The following MTUS2 variants were observed in gnomAD, a reference collection of about 807,000 sequenced individuals.
MTUS2 encodes microtubule associated scaffold protein 2.
MTUS2 carries 40 observed loss-of-function variants against 114.1 expected under a neutral mutation model. The observed-to-expected ratio is 0.35, with a 90% CI of 0.27 to 0.46. The LOEUF is 0.46. MTUS2 is among the 20% of genes least tolerant of loss of function. MTUS2 has a pLI of 1.00. For synonymous variants in MTUS2, 688 were observed against 672.0 expected, an observed-to-expected ratio of 1.02 and a Z score of -0.37; for missense variants, 1,679 against 1,705.4, an observed-to-expected ratio of 0.98 and a Z score of 0.27.
chr13:29,383,751 A>G (rs7335179), intron 8 of MTUS2, among the ~76,000 whole-genome samples: 15 of 92,304 alleles, frequency 1.6e-4, no homozygotes, highest in African/African-American at 4.1e-4. Flanking sequence ...GGACTGTGCC[A>G]AGGGAGGGCA....
chr13:29,080,963 T>G (rs1889415487), intron 4 of MTUS2, among the ~76,000 whole-genome samples: 2 of 152,158 alleles, frequency 1.3e-5, no homozygotes, highest in African/African-American at 4.8e-5. Context: ...TGACCTCTGG[T>G]GATCCTCCCA....
At chr13:29,071,004 T>C (rs1202307326) in intron 4 of MTUS2, among the ~76,000 whole-genome samples, 1 of 152,056 alleles carries the variant, frequency 6.6e-6, no homozygotes, top group Non-Finnish European at 1.5e-5. Context: ...TTTTTGTTTA[T>C]TTATTGATTT....
intron 5 of MTUS2, among the ~76,000 whole-genome samples, chr13:29,149,410 G>A (rs1892576028): frequency 6.6e-6 from 1 of 152,158 alleles, no homozygotes; most frequent in African/African-American, 2.4e-5. Flanking sequence ...GTTCCTTGTA[G>A]ATACTGGATA....
chr13:29,047,722 C>T (rs1265764031), intron 4 of MTUS2, among the ~76,000 whole-genome samples: 1 of 152,100 alleles, frequency 6.6e-6, no homozygotes, highest in Non-Finnish European at 1.5e-5. Context: ...ACTGTGTTAG[C>T]CAGGATGGTC....
chr13:28,876,572 A>G (rs927669481), intron 2 of MTUS2, among the ~76,000 whole-genome samples: 2 of 152,152 alleles, frequency 1.3e-5, no homozygotes, highest in Admixed American at 6.5e-5. Flanking sequence ...GCTGCAGAAG[A>G]TCGAGGAAGA....
intron 2 of MTUS2, among the ~76,000 whole-genome samples, chr13:28,986,909 T>G (rs761357023): frequency 7.2e-5 from 11 of 152,246 alleles, no homozygotes; most frequent in Non-Finnish European, 1.2e-4. Flanking sequence ...GCTTCTGTAT[T>G]GGACACCACA....
At chr13:29,013,122 A>G (rs575637318) in intron 2 of MTUS2, among the ~76,000 whole-genome samples, 2 of 152,250 alleles carry the variant, frequency 1.3e-5, no homozygotes, top group South Asian at 2.1e-4. Flanking sequence ...GGAAAAATAC[A>G]TTGTCTTTTC....
At position 29,101,020 on chromosome 13, in the gene MTUS2, G is replaced by A. The variant is rs748621809; in HGVS notation, c.2644+50G>A. On this transcript the variant is annotated intron_variant, in intron 5 of 15. Transcript: ENST00000612955. ...GTGCCTTCACTGAATTAAAACCGGC[G>A]CGCCTGTGTAACTGTGTGTCATTTT... is the stretch of plus-strand genomic sequence containing the variant. 9.6e-5 allele frequency: 141 copies of A among 1,473,794 alleles called. 1 individual carries two copies. The South Asian group carries it at 1.6e-3, about 17-fold the overall frequency. 91.3% of individuals were successfully genotyped at this position (1,473,794 alleles called of 1,614,324 possible).
At chr13:29,338,721 T>C (rs1389103354) in intron 7 of MTUS2, among the ~76,000 whole-genome samples, 1 of 152,230 alleles carries the variant, frequency 6.6e-6, no homozygotes, top group African/African-American at 2.4e-5. Context: ...CTTTTCTTGC[T>C]TAAGGATTTG....
chr13:28,950,457 A>G (rs2138172127), intron 2 of MTUS2, among the ~76,000 whole-genome samples: 1 of 152,290 alleles, frequency 6.6e-6, no homozygotes, highest in African/African-American at 2.4e-5. Context: ...GTGTAGTCAG[A>G]TTTACCTATT....
rs7988477 is a variant in MTUS2 at position 29,408,394 on chromosome 13, C to T, written c.3118-31589C>T. Among the ~76,000 whole-genome samples the T allele has an allele frequency of 2.6e-3, 393 of 152,276 alleles. 3 individuals are homozygous for T. The highest frequency in any genetic ancestry group is 8.4e-3 in the African/African-American group (349 of 41,554). ...GCCATGGTACAATCATAGCTCACTG[C>T]GGCCTCCATCTCCTGGGCTCAAGCG... On this transcript the variant is annotated intron_variant, in intron 8 of 15. Transcript: ENST00000612955.
chr13:29,287,258 T>C (rs1440090370), intron 6 of MTUS2, among the ~76,000 whole-genome samples: 2 of 152,188 alleles, frequency 1.3e-5, no homozygotes, highest in Non-Finnish European at 2.9e-5. Context: ...CCATTACCAA[T>C]AGATTGCATG....
chr13:29,183,578 G>GAGCATGTGT (rs1337222344), intron 5 of MTUS2, among the ~76,000 whole-genome samples: 2 of 152,136 alleles, frequency 1.3e-5, no homozygotes, highest in East Asian at 3.9e-4. Context: ...AGATCACCAA[G>GAGCATGTGT]AGCATGTGTA....
rs370383848 is a variant in MTUS2, at chr13:29,317,090, C to T, written c.2807-7523C>T. On this transcript the variant is annotated intron_variant, in intron 6 of 15. Coordinates refer to ENST00000612955, the MANE Select transcript of MTUS2 (RefSeq NM_001033602.4). Reference sequence around the variant, plus strand: ...TAATAATCTTCAGAATTAATTATCCCTTAGTCTTATCCAGGTAATAATTAG... The same window carrying T: ...TAATAATCTTCAGAATTAATTATCCTTTAGTCTTATCCAGGTAATAATTAG... Among the ~76,000 whole-genome samples the T allele has an allele frequency of 9.9e-5, 15 of 152,250 alleles. No individual in the cohort carries two copies. The East Asian group carries it at 1.5e-3, about 16-fold the overall frequency.
At chr13:29,495,580 T>G (rs1368864740) in intron 12 of MTUS2, among the ~76,000 whole-genome samples, 2 of 151,892 alleles carry the variant, frequency 1.3e-5, no homozygotes, top group Admixed American at 6.6e-5. Flanking sequence ...GCCAGAAAAG[T>G]TCATGGGAGG....
chr13:29,395,800 G>T (rs137937119), intron 8 of MTUS2, among the ~76,000 whole-genome samples: 3 of 152,264 alleles, frequency 2.0e-5, no homozygotes, highest in Admixed American at 2.0e-4. Flanking sequence ...TATTCATTAT[G>T]CTAGGGGCAC....
At chr13:29,491,722 GGTGTGT>G (rs200557963) in intron 11 of MTUS2, among the ~76,000 whole-genome samples, 1 of 142,974 alleles carries the variant, frequency 7.0e-6, no homozygotes, top group African/African-American at 2.6e-5. Context: ...GTGTGTGGTA[GGTGTGT>G]GTGGGGCGTG....
At chr13:29,164,422 G>A (rs1359338830) in intron 5 of MTUS2, among the ~76,000 whole-genome samples, 1 of 152,220 alleles carries the variant, frequency 6.6e-6, no homozygotes, top group Non-Finnish European at 1.5e-5. Context: ...ACAGTGGGAA[G>A]ACATGTAGGT....
rs554836384 is a variant in MTUS2 at position 29,336,827 on chromosome 13, C to T, written c.2905+12116C>T. Among the ~76,000 whole-genome samples the T allele has an allele frequency of 7.8e-4, 119 of 152,346 alleles. 1 individual carries two copies. The highest frequency in any genetic ancestry group is 2.8e-3 in the African/African-American group (116 of 41,580). On this transcript the variant is annotated intron_variant, in intron 7 of 15. Transcript: ENST00000612955. ...CTGATTGTGGTCACTACCTTTCTTT[C>T]AGAATTCCCTGCCCAGAGAGGAGGA...
Sources: allele counts gnomAD v4.1 joint callset (sites outside exome capture counted in the v4.1 genomes callset), GRCh38; gene constraint gnomAD v4.1.1; transcripts MANE v1.5; gene names NCBI Gene and HGNC (gene_info 2026-07-23, HGNC 2026-07-21).